The following SPON1 variants were observed in gnomAD, a reference collection of about 807,000 sequenced individuals.
SPON1 encodes the protein spondin-1.
Under a neutral mutation model 111.7 loss-of-function variants are expected in SPON1, and 52 were observed. The ratio of observed to expected loss-of-function variants is 0.47; its 90% CI spans 0.37 to 0.59. The LOEUF (loss-of-function observed/expected upper bound fraction) is 0.59, where lower values mean the gene tolerates loss of function less well. SPON1 is among the 20% of genes least tolerant of loss of function. The probability of loss-of-function intolerance (pLI) is 0.00; values close to 1 mark genes in which losing one functional copy is unlikely to be tolerated. For synonymous variants in SPON1, 410 were observed against 395.8 expected, an observed-to-expected ratio of 1.04 and a Z score of -0.43; for missense variants, 957 against 1,068.5, an observed-to-expected ratio of 0.90 and a Z score of 1.46.
At chr11:14,045,998 C>T (rs1848665637) in intron 3 of SPON1, among the ~76,000 whole-genome samples, 1 of 152,070 alleles carries the variant, frequency 6.6e-6, no homozygotes, top group Admixed American at 6.6e-5. Context: ...CTTTAATCTT[C>T]CTGGAATTTA....
intron 2 of SPON1, among the ~76,000 whole-genome samples, chr11:13,988,684 T>C (rs1198576773): frequency 6.6e-6 from 1 of 152,202 alleles, no homozygotes; most frequent in African/African-American, 2.4e-5. Context: ...GGCTGTGGGT[T>C]TGTCATAAAT....
chr11:14,201,351 AAAAC>A (rs1848461097), intron 6 of SPON1, among the ~76,000 whole-genome samples: 2 of 36,880 alleles, frequency 5.4e-5, no homozygotes, highest in Non-Finnish European at 8.7e-5. Context: ...CCAAAACAAA[AAAAC>A]AAAAAAACAA....
chr11:14,084,927 G>T (rs551048904), intron 5 of SPON1, among the ~76,000 whole-genome samples: 13 of 152,136 alleles, frequency 8.5e-5, no homozygotes, highest in Admixed American at 2.0e-4. Flanking sequence ...TCATATGTTT[G>T]TTGGCCACAT....
chr11:13,974,762 G>A (rs1848089245), intron 1 of SPON1, among the ~76,000 whole-genome samples: 2 of 152,126 alleles, frequency 1.3e-5, no homozygotes, highest in South Asian at 2.1e-4. Flanking sequence ...CCTAGCGCAA[G>A]CCCTTCAGTA....
chr11:14,238,211 A>G (rs1470986861), intron 6 of SPON1, among the ~76,000 whole-genome samples: 1 of 151,994 alleles, frequency 6.6e-6, no homozygotes, highest in Non-Finnish European at 1.5e-5. Context: ...TCCCTCTCTG[A>G]TCATGGATTG....
intron 3 of SPON1, among the ~76,000 whole-genome samples, chr11:14,045,510 G>A (rs929313430): frequency 2.0e-5 from 3 of 151,880 alleles, no homozygotes; most frequent in Non-Finnish European, 4.4e-5. Context: ...CCCAGGAGAT[G>A]GAGGTTGCAG....
intron 6 of SPON1, among the ~76,000 whole-genome samples, chr11:14,205,651 T>C (rs181365667): frequency 5.3e-5 from 8 of 152,212 alleles, no homozygotes; most frequent in Admixed American, 4.6e-4. Flanking sequence ...ACAACAACAG[T>C]CTTTTAAATT....
intron 3 of SPON1, among the ~76,000 whole-genome samples, chr11:14,053,159 C>A (rs1554918796): frequency 6.6e-6 from 1 of 152,194 alleles, no homozygotes; most frequent in Non-Finnish European, 1.5e-5. Context: ...ATTCACATAA[C>A]ATAAAATCAA....
chr11:14,198,442 A>G (rs1848425754), intron 6 of SPON1, among the ~76,000 whole-genome samples: 1 of 152,360 alleles, frequency 6.6e-6, no homozygotes, highest in South Asian at 2.1e-4. Context: ...AACTTAATAA[A>G]TGTTACCAGC....
chr11:14,262,585 C>T (rs1383039780), intron 14 of SPON1, 127 bp from the exon 15 acceptor site: 2 of 1,270,068 alleles, frequency 1.6e-6, no homozygotes, highest in Non-Finnish European at 2.2e-6. Flanking sequence ...GTTTCTTCTT[C>T]TGTAAAATAG....
intron 6 of SPON1, among the ~76,000 whole-genome samples, chr11:14,163,441 C>A (rs1204696245): frequency 1.3e-5 from 2 of 152,120 alleles, no homozygotes; most frequent in Non-Finnish European, 2.9e-5. Flanking sequence ...GGCCAGCTCC[C>A]CACCCTGCCA....
At chr11:14,245,978 G>A (rs1274494983) in intron 7 of SPON1, among the ~76,000 whole-genome samples, 2 of 152,194 alleles carry the variant, frequency 1.3e-5, no homozygotes, top group African/African-American at 4.8e-5. Context: ...TACCAGTCAG[G>A]TCACCCTGAA....
chr11:14,129,633 T>C (rs1847503818), intron 5 of SPON1, among the ~76,000 whole-genome samples: 1 of 152,210 alleles, frequency 6.6e-6, no homozygotes, highest in African/African-American at 2.4e-5. Flanking sequence ...CTCTGCCTGT[T>C]ACCTGCTTCC....
In SPON1 at chr11:14,260,601, C is replaced by T. The variant is rs1180467658; in HGVS notation, c.1845C>T (p.Cys615=). 1 of 1,613,588 alleles carries T rather than the reference C, an allele frequency of 6.2e-7. No homozygotes were observed. The highest frequency in any genetic ancestry group is 8.5e-7 in the Non-Finnish European group (1 of 1,179,646). ...CMMPECHTIP[C]LLSPWSEWSD... ...TTCTTGATCTAGACACCATCCCATG[C>T]TTGCTGTCCCCATGGTCCGAGTGGA... The change falls in exon 14 of 16, where the codon TGC becomes TGT. Residue 615 remains cysteine (C), a synonymous_variant. Transcript: ENST00000576479.
chr11:14,064,913 G>T (rs1848820644), intron 3 of SPON1, among the ~76,000 whole-genome samples: 4 of 152,112 alleles, frequency 2.6e-5, no homozygotes, highest in Admixed American at 2.6e-4. Context: ...GAAAATCAAG[G>T]CTTCTACTTT....
At chr11:14,049,896 G>A (rs1848695741) in intron 3 of SPON1, among the ~76,000 whole-genome samples, 2 of 152,174 alleles carry the variant, frequency 1.3e-5, no homozygotes, top group Non-Finnish European at 2.9e-5. Flanking sequence ...TACATGGAAT[G>A]TGTACTATAT....
At chr11:14,104,876 G>A (rs1298312922) in intron 5 of SPON1, among the ~76,000 whole-genome samples, 5 of 152,056 alleles carry the variant, frequency 3.3e-5, no homozygotes, top group Non-Finnish European at 7.4e-5. Context: ...AAACTTGACT[G>A]TATAAAGACA....
At chr11:14,262,467 T>A in intron 14 of SPON1, 1 of 564,596 alleles carries the variant, frequency 1.8e-6, no homozygotes. Context: ...TCCAAAGCCT[T>A]CTTGAGTCAT....
At chr11:14,250,568 G>A (rs887347201) in intron 7 of SPON1, among the ~76,000 whole-genome samples, 5 of 151,936 alleles carry the variant, frequency 3.3e-5, no homozygotes, top group South Asian at 2.1e-4. Flanking sequence ...TGAATATCAC[G>A]CTATTTTGTC....
Sources: allele counts gnomAD v4.1 joint callset (sites outside exome capture counted in the v4.1 genomes callset), GRCh38; gene constraint gnomAD v4.1.1; transcripts MANE v1.5; gene names NCBI Gene and HGNC (gene_info 2026-07-23, HGNC 2026-07-21).